The following CIMAP1D variants were observed in gnomAD, a reference collection of about 807,000 sequenced individuals.
CIMAP1D encodes CIMAP1 family member D, also known as protein CIMAP1D.
the CIMAP1D span, among the ~76,000 whole-genome samples, chr19:486,781 G>T: frequency 6.6e-6 from 1 of 151,850 alleles, no homozygotes; most frequent in African/African-American, 2.4e-5. Flanking sequence ...AGGCGTGGTG[G>T]CAGGCGCCTG....
At chr19:472,545 C>T in the CIMAP1D span, 1 of 1,375,118 alleles carries the variant, frequency 7.3e-7, no homozygotes, top group Non-Finnish European at 9.9e-7. Flanking sequence ...CCCAGATTCC[C>T]CGAAGAAGGA....
the CIMAP1D span, chr19:463,720 G>T: frequency 7.2e-7 from 1 of 1,393,662 alleles, no homozygotes; most frequent in Non-Finnish European, 9.6e-7. Context: ...GACCTGGACA[G>T]TTCAGGAAAG....
the CIMAP1D span, among the ~76,000 whole-genome samples, chr19:481,489 GAA>G: frequency 1.6e-5 from 1 of 62,124 alleles, no homozygotes; most frequent in Non-Finnish European, 2.7e-5. Flanking sequence ...AGGATGATGG[GAA>G]GGATGATGGG....
chr19:491,425 T>G, the CIMAP1D span, among the ~76,000 whole-genome samples: 1 of 152,190 alleles, frequency 6.6e-6, no homozygotes. Context: ...GCTTGTGCCC[T>G]TCTAGCCACC....
the CIMAP1D span, among the ~76,000 whole-genome samples, chr19:481,649 A>G: frequency 6.6e-6 from 1 of 151,938 alleles, no homozygotes; most frequent in South Asian, 2.1e-4. Flanking sequence ...ATGATGGGAA[A>G]GGATAATGGG....
At chr19:478,323 C>T in the CIMAP1D span, among the ~76,000 whole-genome samples, 1 of 97,186 alleles carries the variant, frequency 1.0e-5, no homozygotes, top group East Asian at 4.8e-4. Context: ...CCACACCAGA[C>T]AGCCACTAAA....
the CIMAP1D span, among the ~76,000 whole-genome samples, chr19:480,173 G>C: frequency 1.3e-5 from 2 of 152,236 alleles, no homozygotes; most frequent in Non-Finnish European, 2.9e-5. Context: ...AGAGGCCCTG[G>C]GGCAGGACCT....
chr19:470,436 C>T, the CIMAP1D span, among the ~76,000 whole-genome samples: 3 of 152,006 alleles, frequency 2.0e-5, no homozygotes, highest in African/African-American at 7.3e-5. Flanking sequence ...TGGTCTCGAT[C>T]TCCTGACCTC....
chr19:472,362 G>A, the CIMAP1D span: 38 of 1,277,262 alleles, frequency 3.0e-5, no homozygotes. Flanking sequence ...GAGGATCAGG[G>A]AAGCCTCCAG....
At chr19:484,387 C>T in the CIMAP1D span, among the ~76,000 whole-genome samples, 12 of 152,012 alleles carry the variant, frequency 7.9e-5, no homozygotes, top group Non-Finnish European at 1.0e-4. Context: ...GTGATCCGCC[C>T]GCCTTGGCCT....
chr19:466,354 ATGGGTGGG>A, the CIMAP1D span, among the ~76,000 whole-genome samples: 8 of 22,106 alleles, frequency 3.6e-4, no homozygotes, highest in East Asian at 1.7e-3. Context: ...GAGTGGATAG[ATGGGTGGG>A]TGGGTGGGTG....
chr19:468,088 G>T, the CIMAP1D span, among the ~76,000 whole-genome samples: 11 of 152,282 alleles, frequency 7.2e-5, no homozygotes, highest in Non-Finnish European at 1.3e-4. Context: ...TAATTAGGCT[G>T]GGTGTGGTGG....
the CIMAP1D span, among the ~76,000 whole-genome samples, chr19:474,301 G>A: frequency 6.6e-6 from 1 of 152,192 alleles, no homozygotes; most frequent in Admixed American, 6.5e-5. Flanking sequence ...CGTCCCTGAG[G>A]GCCACGCTGG....
the CIMAP1D span, among the ~76,000 whole-genome samples, chr19:476,567 T>C: frequency 6.6e-6 from 1 of 152,336 alleles, no homozygotes; most frequent in Non-Finnish European, 1.5e-5. Flanking sequence ...CAATGTAATT[T>C]TAATGTATTG....
chr19:485,465 A>G, the CIMAP1D span, among the ~76,000 whole-genome samples: 3 of 152,116 alleles, frequency 2.0e-5, no homozygotes, highest in Non-Finnish European at 4.4e-5. Context: ...GCTGCTGCCG[A>G]TCCAAGTCCC....
the CIMAP1D span, among the ~76,000 whole-genome samples, chr19:488,764 C>G: frequency 1.3e-5 from 2 of 152,198 alleles, no homozygotes; most frequent in African/African-American, 4.8e-5. Flanking sequence ...ACCCGGCTTC[C>G]CAGTCTCCGC....
the CIMAP1D span, chr19:490,050 T>C: frequency 7.5e-6 from 3 of 398,410 alleles, no homozygotes; most frequent in Non-Finnish European, 1.3e-5. Context: ...GTAAGTAAAA[T>C]AAATCGTATG....
the CIMAP1D span, among the ~76,000 whole-genome samples, chr19:484,649 C>T: frequency 5.9e-5 from 9 of 152,150 alleles, no homozygotes; most frequent in East Asian, 1.9e-4. Flanking sequence ...TACGGGGTGT[C>T]TGGGGAGGGC....
At chr19:480,526 T>A in the CIMAP1D span, among the ~76,000 whole-genome samples, 64 of 88,180 alleles carry the variant, frequency 7.3e-4, 4 homozygotes, top group African/African-American at 7.3e-3. Flanking sequence ...GGAAGGATGA[T>A]GGGGAAGGAT....
Sources: allele counts gnomAD v4.1 joint callset (sites outside exome capture counted in the v4.1 genomes callset), GRCh38; gene constraint gnomAD v4.1.1; transcripts MANE v1.5; gene names NCBI Gene and HGNC (gene_info 2026-07-23, HGNC 2026-07-21).